The following GMDS variants were observed in gnomAD, a reference collection of about 807,000 sequenced individuals.
GMDS encodes the protein GDP-mannose 4,6-dehydratase.
GMDS carries 20 observed loss-of-function variants against 49.9 expected under a neutral mutation model. The ratio of observed to expected loss-of-function variants is 0.40; its 90% CI spans 0.28 to 0.58. The LOEUF (loss-of-function observed/expected upper bound fraction) is 0.58, where lower values mean the gene tolerates loss of function less well. Among genes scored for constraint, GMDS ranks in the 20% least tolerant of loss-of-function variants. The pLI is 0.42. For missense variants in GMDS, 362 were observed against 481.4 expected, an observed-to-expected ratio of 0.75 and a Z score of 2.32; for synonymous variants, 177 against 178.6, an observed-to-expected ratio of 0.99 and a Z score of 0.07.
intron 9 of GMDS, among the ~76,000 whole-genome samples, chr6:1,650,527 A>G (rs1188185289): frequency 6.6e-6 from 1 of 152,178 alleles, no homozygotes; most frequent in Non-Finnish European, 1.5e-5. Flanking sequence ...ATGGTCAAGC[A>G]CAGAGGAAAA....
intron 7 of GMDS, among the ~76,000 whole-genome samples, chr6:1,775,266 G>A (rs1768751320): frequency 6.6e-6 from 1 of 152,140 alleles, no homozygotes; most frequent in Non-Finnish European, 1.5e-5. Flanking sequence ...CATGGTATTT[G>A]GAGATACTGG....
At chr6:2,135,782 G>T (rs182356029) in intron 1 of GMDS, among the ~76,000 whole-genome samples, 29 of 152,118 alleles carry the variant, frequency 1.9e-4, no homozygotes, top group Non-Finnish European at 4.0e-4. Context: ...AGATAAAGAT[G>T]AATTTTATTT....
At chr6:1,935,008 G>A (rs192213782) in intron 6 of GMDS, among the ~76,000 whole-genome samples, 4 of 152,284 alleles carry the variant, frequency 2.6e-5, no homozygotes, top group East Asian at 3.9e-4. Flanking sequence ...TCTCTTCTGC[G>A]ATGAGATGAC....
chr6:1,999,655 A>G (rs1029867285), intron 4 of GMDS, among the ~76,000 whole-genome samples: 1 of 151,094 alleles, frequency 6.6e-6, no homozygotes, highest in Non-Finnish European at 1.5e-5. Context: ...GACATCAGAA[A>G]CATAAAAAAA....
intron 9 of GMDS, among the ~76,000 whole-genome samples, chr6:1,663,469 C>T (rs527497786): frequency 6.4e-4 from 98 of 152,318 alleles, no homozygotes; most frequent in Admixed American, 1.6e-3. Context: ...AACCAAGCTC[C>T]CTTTTCCTTG....
At chr6:2,155,972 A>G (rs1040543076) in intron 1 of GMDS, among the ~76,000 whole-genome samples, 8 of 152,174 alleles carry the variant, frequency 5.3e-5, no homozygotes, top group Non-Finnish European at 1.0e-4. Flanking sequence ...ACAACAAAAG[A>G]AAATTTAAAT....
Position 1,758,746 on chromosome 6 carries a change from G to A in GMDS, c.772-16160C>T, listed in dbSNP as rs550601035. Among the ~76,000 whole-genome samples, 4 of 152,280 alleles carry A rather than the reference G, an allele frequency of 2.6e-5. No individual in the cohort carries two copies. The South Asian group carries it at 8.3e-4, about 32-fold the overall frequency. On this transcript the variant is annotated intron_variant, in intron 7 of 10. Transcript: ENST00000380815. ...AGCTTGGGCTGGGAATCAGAAACCCGCGTCTAAGCTCCAGCCCCACTATTC... is the reference window on the plus strand; with the variant it reads ...AGCTTGGGCTGGGAATCAGAAACCCACGTCTAAGCTCCAGCCCCACTATTC...
At chr6:1,639,086 G>A (rs1327121429) in intron 9 of GMDS, among the ~76,000 whole-genome samples, 1 of 152,184 alleles carries the variant, frequency 6.6e-6, no homozygotes, top group Admixed American at 6.5e-5. Context: ...CAGGCAACAA[G>A]GGCAGGCTAG....
At chr6:1,986,903 G>A (rs981446440) in intron 4 of GMDS, among the ~76,000 whole-genome samples, 4 of 152,172 alleles carry the variant, frequency 2.6e-5, no homozygotes, top group African/African-American at 9.7e-5. Context: ...AAGAAGGATG[G>A]TAAATAAGCT....
At chr6:2,110,693 G>A in intron 4 of GMDS, among the ~76,000 whole-genome samples, 1 of 152,118 alleles carries the variant, frequency 6.6e-6, no homozygotes, top group Non-Finnish European at 1.5e-5. Flanking sequence ...ATGACCCAGT[G>A]TACCTCCCAG....
At chr6:1,986,501 A>C (rs969188551) in intron 4 of GMDS, among the ~76,000 whole-genome samples, 11 of 152,214 alleles carry the variant, frequency 7.2e-5, no homozygotes, top group African/African-American at 2.4e-4. Flanking sequence ...ATTAAGAATT[A>C]AATACCTAAG....
intron 4 of GMDS, among the ~76,000 whole-genome samples, chr6:2,100,401 G>A (rs1223942430): frequency 6.6e-6 from 1 of 151,990 alleles, no homozygotes; most frequent in Non-Finnish European, 1.5e-5. Flanking sequence ...GGCCACATCT[G>A]TGTTCTTCTA....
At chr6:2,012,083 A>G (rs1207222761) in intron 4 of GMDS, among the ~76,000 whole-genome samples, 1 of 152,110 alleles carries the variant, frequency 6.6e-6, no homozygotes, top group Non-Finnish European at 1.5e-5. Context: ...GGACATAGAG[A>G]GTGGAATAAA....
intron 1 of GMDS, among the ~76,000 whole-genome samples, chr6:2,230,942 C>CA (rs1491176901): frequency 1.1e-4 from 3 of 26,616 alleles, no homozygotes; most frequent in East Asian, 2.0e-3. Context: ...CCCCCTCCCA[C>CA]CCCCCCCCCC....
intron 7 of GMDS, among the ~76,000 whole-genome samples, chr6:1,761,083 C>T (rs1768136795): frequency 6.6e-6 from 1 of 152,122 alleles, no homozygotes; most frequent in African/African-American, 2.4e-5. Context: ...CTAGAGAAAC[C>T]TCCCCTTCCA....
intron 1 of GMDS, among the ~76,000 whole-genome samples, chr6:2,154,352 C>G (rs1431917842): frequency 6.6e-6 from 1 of 151,990 alleles, no homozygotes; most frequent in East Asian, 1.9e-4. Flanking sequence ...AAATTCTATC[C>G]AACAGCAAAA....
In GMDS at chr6:1,960,775, A is replaced by ATAGAT; in HGVS notation, c.536_537insATCTA (p.Tyr179Ter). ...TCCGGTGTGCACGCATGTTCTCACC[A>ATAGAT]TAGGGTGACCGGGGATAGAAAGGGG... is the stretch of plus-strand genomic sequence containing the variant. On this transcript the variant is annotated stop_gained and frameshift_variant and splice_region_variant, in exon 5 of 11. Transcript: ENST00000380815. LOFTEE classifies it high-confidence loss of function. 6.3e-7 allele frequency: 1 copy of ATAGAT among 1,590,466 alleles called. No individual in the cohort carries two copies. The highest frequency in any genetic ancestry group is 8.6e-7 in the Non-Finnish European group (1 of 1,162,126).
At chr6:1,856,043 A>G (rs1286807776) in intron 7 of GMDS, among the ~76,000 whole-genome samples, 1 of 152,196 alleles carries the variant, frequency 6.6e-6, no homozygotes, top group Non-Finnish European at 1.5e-5. Flanking sequence ...ATCCTCCAGA[A>G]TTTCAAATGG....
intron 4 of GMDS, among the ~76,000 whole-genome samples, chr6:2,007,476 T>A (rs1273154477): frequency 3.3e-5 from 5 of 152,190 alleles, no homozygotes; most frequent in African/African-American, 4.8e-5. Context: ...GAGAACATTA[T>A]CTGTCCAGGC....
Sources: allele counts gnomAD v4.1 joint callset (sites outside exome capture counted in the v4.1 genomes callset), GRCh38; gene constraint gnomAD v4.1.1; transcripts MANE v1.5; gene names NCBI Gene and HGNC (gene_info 2026-07-23, HGNC 2026-07-21).